Variants in CSF3R observed in about 807,000 individuals in gnomAD.
CSF3R encodes the protein granulocyte colony-stimulating factor receptor.
In CSF3R, 52 loss-of-function variants were observed where a neutral mutation model predicts 84.4. The ratio of observed to expected loss-of-function variants is 0.62; its 90% CI spans 0.49 to 0.78. The LOEUF is 0.78. CSF3R is among the 30% of genes least tolerant of loss of function. The pLI is 0.00. For missense variants in CSF3R, 890 were observed against 1,055.7 expected, an observed-to-expected ratio of 0.84 and a Z score of 2.17; for synonymous variants, 384 against 429.1, an observed-to-expected ratio of 0.89 and a Z score of 1.30.
intron 10 of CSF3R, among the ~76,000 whole-genome samples, chr1:36,470,844 T>C (rs538980015): frequency 2.2e-4 from 34 of 152,218 alleles, no homozygotes; most frequent in Admixed American, 2.0e-3. Context: ...CTTAACCTGG[T>C]CTGGCTAATG....
Position 36,466,604 on chromosome 1 carries a change from A to C in CSF3R, c.2264T>G (p.Leu755Arg). ...CCCTGGGCTTGTGGGGCTGCCCAGC[A>C]GCTGCCCATAAAGGACCTGATCGCT... ...GTSDQVLYGQ[L>R]LGSPTSPGPG... The change falls in exon 17 of 17, where the codon CTG becomes CGG. Residue 755 changes from leucine to arginine, a missense_variant. Coordinates refer to ENST00000373106, the MANE Select transcript of CSF3R (RefSeq NM_000760.4). The surrounding 1 kb of genome is among the most constrained non-coding windows in gnomAD (Gnocchi z 4.6). The C allele has an allele frequency of 6.2e-7, 1 of 1,613,430 alleles. No individual in the cohort carries two copies. Among genetic ancestry groups the C allele is most frequent in the Non-Finnish European group, 8.5e-7 (1 of 1,179,532 alleles).
At chr1:36,482,553 C>A (rs1028577510) in intron 1 of CSF3R, among the ~76,000 whole-genome samples, 2 of 152,118 alleles carry the variant, frequency 1.3e-5, no homozygotes, top group African/African-American at 4.8e-5. Flanking sequence ...AATGATTATG[C>A]CTGTCCCCAG....
chr1:36,475,727 C>T, intron 3 of CSF3R, 54 bp from the exon 4 acceptor site: 5 of 1,555,800 alleles, frequency 3.2e-6, no homozygotes, highest in Non-Finnish European at 4.4e-6. Context: ...CAGAGCTGGG[C>T]TATAATCTAG....
Position 36,466,847 on chromosome 1 carries a change from G to A in CSF3R, c.2041-20C>T. 1.2e-6 allele frequency: 2 copies of A among 1,614,202 alleles called. No individual in the cohort carries two copies. Among genetic ancestry groups the A allele is most frequent in the Non-Finnish European group, 1.7e-6 (2 of 1,180,018 alleles). On this transcript the variant is annotated intron_variant, in intron 16 of 16. Transcript: ENST00000373106. The surrounding 1 kb of genome is among the most constrained non-coding windows in gnomAD (Gnocchi z 4.6). Reference sequence around the variant, plus strand: ...GGCATCCTGCACACAAGGATGTGGGGTGAGAGCACGGCTCATTTCAGATGT... The same window carrying A: ...GGCATCCTGCACACAAGGATGTGGGATGAGAGCACGGCTCATTTCAGATGT...
At position 36,466,927 on chromosome 1, in the gene CSF3R, G is replaced by C. The variant is rs1280949624; in HGVS notation, c.2041-100C>G. 6.2e-7 allele frequency: 1 copy of C among 1,612,912 alleles called. No homozygotes were observed. ...CGGGCAGCTGTGGGGACATTCAACT[G>C]TTGTTACTGGTGGAACACAAAGGGT... On this transcript the variant is annotated intron_variant, in intron 16 of 16. Transcript: ENST00000373106. This position sits in a 1 kb window ranked among gnomAD's most constrained non-coding sequence, Gnocchi z 4.6.
rs1650293250 is a variant in CSF3R at position 36,466,179 on chromosome 1, C to T, written c.*178G>A. The T allele has an allele frequency of 6.2e-7, 1 of 1,614,058 alleles. No individual in the cohort carries two copies. Among genetic ancestry groups the T allele is most frequent in the African/African-American group, 1.3e-5 (1 of 74,918 alleles). Reference sequence around the variant, plus strand: ...AGCATGATCTGGTCCTTAAAGTATGCAGATCGCCTGGGAGGCCCAGCCTAT... The same window carrying T: ...AGCATGATCTGGTCCTTAAAGTATGTAGATCGCCTGGGAGGCCCAGCCTAT... On this transcript the variant is annotated 3_prime_UTR_variant, in exon 17 of 17. Coordinates refer to ENST00000373106, the MANE Select transcript of CSF3R (RefSeq NM_000760.4). The surrounding 1 kb of genome is among the most constrained non-coding windows in gnomAD (Gnocchi z 4.6).
rs757913112 is a variant in CSF3R at position 36,469,162 on chromosome 1, C to G, written c.1570G>C (p.Glu524Gln). Residue 524 changes from glutamate (E) to glutamine (Q), a missense_variant, in exon 12 of 17, where the codon GAA becomes CAA. By Grantham distance (29) the Glu-to-Gln change is conservative. Coordinates refer to ENST00000373106, the MANE Select transcript of CSF3R (RefSeq NM_000760.4). ...PSQHVYAYSQ[E>Q]MAPSHAPELH... ...GGCCTGATAGTTGACAAACCCATTT[C>G]TTGAGAGTAGGCATAGACATGCTGG... The G allele has an allele frequency of 6.2e-7, 1 of 1,613,008 alleles. No homozygotes were observed. Among genetic ancestry groups the G allele is most frequent in the East Asian group, 2.2e-5 (1 of 44,874 alleles).
rs752289335 is a variant in CSF3R, at chr1:36,475,707, C to T, written c.65-34G>A. 40 of 1,591,126 alleles carry T rather than the reference C, an allele frequency of 2.5e-5. No homozygotes were observed. The South Asian group carries it at 4.3e-4, about 17-fold the overall frequency. On this transcript the variant is annotated intron_variant, in intron 3 of 16. Transcript: ENST00000373106. ...GAAGAGAATGGGCCAGGAACGACGC[C>T]TCTGCCTAGCAGAGCTGGGCTATAA...
intron 4 of CSF3R, among the ~76,000 whole-genome samples, chr1:36,475,033 T>C (rs1047903510): frequency 9.9e-5 from 15 of 151,780 alleles, no homozygotes; most frequent in South Asian, 4.2e-4. Context: ...AGACCAAGTT[T>C]CGCTTTTGTT....
At position 36,467,545 on chromosome 1, in the gene CSF3R, C is replaced by G. The variant is rs568657411; in HGVS notation, c.1958+13G>C. 1 of 1,613,104 alleles carries G rather than the reference C, an allele frequency of 6.2e-7. No homozygotes were observed. The highest frequency in any genetic ancestry group is 1.1e-5 in the South Asian group (1 of 91,012). ...GGGGGAAGCAGGATCTCAGGTCTCT[C>G]AAAGGGACTCACTTGGGGCTGCAAC... On this transcript the variant is annotated intron_variant, in intron 15 of 16. Coordinates refer to ENST00000373106, the MANE Select transcript of CSF3R (RefSeq NM_000760.4). This position sits in a 1 kb window ranked among gnomAD's most constrained non-coding sequence, Gnocchi z 4.1.
At chr1:36,482,690 C>T (rs1651606278) in intron 1 of CSF3R, 121 bp downstream of exon 1, 1 of 152,144 alleles carries the variant, frequency 6.6e-6, no homozygotes, top group South Asian at 2.1e-4. Flanking sequence ...AGGACGAATC[C>T]CGGGCCCCAG....
chr1:36,478,954 C>T (rs1651350813), intron 3 of CSF3R: 1 of 267,480 alleles, frequency 3.7e-6, no homozygotes. Flanking sequence ...CCAACCCCTG[C>T]TGCACAGCAT....
At chr1:36,468,287 T>C (rs1425950585) in intron 12 of CSF3R, 66 bp from the exon 13 acceptor site, 1 of 1,493,266 alleles carries the variant, frequency 6.7e-7, no homozygotes, top group Non-Finnish European at 9.0e-7. Flanking sequence ...GTTGGACTTC[T>C]TGTGGCTTCC....
intron 4 of CSF3R, among the ~76,000 whole-genome samples, 181 bp downstream of exon 4, chr1:36,475,196 G>T (rs974757910): frequency 6.6e-6 from 1 of 152,212 alleles, no homozygotes; most frequent in African/African-American, 2.4e-5. Context: ...TAGTAGAGGC[G>T]GGGTTTCGCC....
chr1:36,475,897 G>C (rs1557598034), intron 3 of CSF3R: 10 of 538,986 alleles, frequency 1.9e-5, no homozygotes, highest in Non-Finnish European at 3.3e-5. Flanking sequence ...GCTTGGCAGA[G>C]AAAAGCAGAC....
At chr1:36,468,328 C>T (rs1379561998) in intron 12 of CSF3R, 107 bp from the exon 13 acceptor site, 4 of 1,196,308 alleles carry the variant, frequency 3.3e-6, no homozygotes, top group Admixed American at 2.7e-5. Context: ...AGAAAAGAGT[C>T]CAAGGGGACT....
intron 3 of CSF3R, chr1:36,477,343 C>G (rs1035726157): frequency 2.0e-5 from 3 of 152,462 alleles, no homozygotes; most frequent in African/African-American, 7.3e-5. Flanking sequence ...ACTGCAACCT[C>G]CGCCTCCCAG....
intron 1 of CSF3R, 120 bp downstream of exon 1, chr1:36,482,691 C>T (rs905297845): frequency 7.2e-5 from 11 of 152,176 alleles, no homozygotes; most frequent in Non-Finnish European, 1.3e-4. Flanking sequence ...GGACGAATCC[C>T]GGGCCCCAGG....
At chr1:36,473,725 ATCCAAAGGGAGGGG>A in intron 5 of CSF3R, 25 bp downstream of exon 5, 1 of 1,614,054 alleles carries the variant, frequency 6.2e-7, no homozygotes. Context: ...CTACCCCAGA[ATCCAAAGGGAGGGG>A]ACCAAGGTGG....
Sources: gnomAD v4.1 joint callset for allele counts (sites outside exome capture counted in the v4.1 genomes callset) on GRCh38, gnomAD v4.1.1 for gene constraint, Gnocchi (gnomAD v3.1) non-coding constraint, MANE v1.5 for transcripts, NCBI Gene and HGNC (gene_info 2026-07-23, HGNC 2026-07-21) for gene names.